MRPS10: variants seen among roughly 807,000 people sequenced by gnomAD.
The protein encoded by MRPS10 is mitochondrial ribosomal protein S10, also known as small ribosomal subunit protein uS10m.
In MRPS10, 23 loss-of-function variants were observed where a neutral mutation model predicts 27.5. The ratio of observed to expected loss-of-function variants is 0.84; its 90% CI spans 0.60 to 1.18. The LOEUF (loss-of-function observed/expected upper bound fraction) is 1.18, where lower values mean the gene tolerates loss of function less well. Ranked by LOEUF, MRPS10 falls within the 50% of genes most tolerant of loss-of-function variation. The probability of loss-of-function intolerance (pLI) is 0.00; values close to 1 mark genes in which losing one functional copy is unlikely to be tolerated. For synonymous variants in MRPS10, 88 were observed against 84.2 expected (o/e 1.04, Z -0.25); for missense variants, 237 against 240.1 (o/e 0.99, Z 0.09).
chr6:42,217,659 C>G, intron 1 of MRPS10, 143 bp downstream of exon 1: 1 of 744,256 alleles, frequency 1.3e-6, no homozygotes, highest in Admixed American at 2.6e-5. Context: ...AAACTAGCCC[C>G]TTTCTCGTCA....
chr6:42,208,733 C>T, intron 6 of MRPS10, 125 bp downstream of exon 6: 1 of 661,056 alleles, frequency 1.5e-6, no homozygotes, highest in Non-Finnish European at 2.6e-6. Context: ...CTGTGTCTCC[C>T]AGTTTGCCAC....
In MRPS10 at chr6:42,214,189, ACT is replaced by A. The variant is rs1490121871; in HGVS notation, c.115_116del (p.Ser39TyrfsTer14). 1.2e-6 allele frequency: 2 copies of A among 1,613,148 alleles called. No individual in the cohort carries two copies. Among genetic ancestry groups the A allele is most frequent in the African/African-American group, 2.7e-5 (2 of 74,900 alleles). On this transcript the variant is annotated frameshift_variant and splice_region_variant, in exon 3 of 7. Transcript: ENST00000053468. LOFTEE classifies it high-confidence loss of function. ...AAAACTGTACCCACTTCATATTGGT[ACT>A]GCTATGTGTGGGGAAAAAAAGAGAA... ...NTAKNGGLLL[S>X]TNMKWVQFSN... is the part of the protein sequence containing the mutation.
At position 42,217,829 on chromosome 6, in the gene MRPS10, G is replaced by C. The variant is rs145290235; in HGVS notation, c.21C>G (p.Phe7Leu). The C allele has an allele frequency of 1.6e-4, 253 of 1,613,936 alleles. No homozygotes were observed. Among genetic ancestry groups the C allele is most frequent in the Non-Finnish European group, 2.0e-4 (237 of 1,179,982 alleles). ...GCCAGAGGCGCCGGCACACAGCACC[G>C]AACGCTGTCCGCGCCGCCATCTTGC... MAARTA[F>L]GAVCRRLWQG... is the part of the protein sequence containing the mutation. The change falls in exon 1 of 7, where the codon TTC becomes TTG. Residue 7 changes from phenylalanine (F) to leucine (L), a missense_variant. Phe to Leu is a conservative substitution (Grantham distance 22). Coordinates refer to ENST00000053468, the MANE Select transcript of MRPS10 (RefSeq NM_018141.4).
In MRPS10 at chr6:42,208,997, C is replaced by CA. The variant is rs765466809; in HGVS notation, c.433-51_433-50insT. 1.8e-5 allele frequency: 21 copies of CA among 1,156,040 alleles called. No individual in the cohort carries two copies. The African/African-American group carries it at 3.6e-4, about 20-fold the overall frequency. The allele number at this position is 1,156,040 out of a possible 1,614,324, so 71.6% of individuals were successfully genotyped here. A position where few individuals can be genotyped will look rare whatever the true frequency, so the allele number is the denominator to read the frequency against. On this transcript the variant is annotated intron_variant, in intron 5 of 6. Transcript: ENST00000053468. ...TTCATGTAAGCTGTTTGTTAAAGCA[C>CA]GGTTTTTTGTTTTTTTTTTTGAGAT...
intron 1 of MRPS10, among the ~76,000 whole-genome samples, chr6:42,215,359 C>A (rs866489116): frequency 3.0e-4 from 22 of 73,248 alleles, no homozygotes; most frequent in South Asian, 5.5e-4. Context: ...GACTCCCTCT[C>A]AAAAAAAAAA....
chr6:42,210,685 T>C (rs1310794011), intron 4 of MRPS10, 89 bp from the exon 5 acceptor site: 2 of 1,520,990 alleles, frequency 1.3e-6, no homozygotes, highest in Non-Finnish European at 1.8e-6. Context: ...CACTCAATTA[T>C]AGGCATTAAC....
chr6:42,211,757 CG>C, intron 4 of MRPS10, 23 bp downstream of exon 4: 1 of 1,603,292 alleles, frequency 6.2e-7, no homozygotes, highest in Non-Finnish European at 8.5e-7. Context: ...GCGAACAGGT[CG>C]GGTCAGGAAA....
In MRPS10 at chr6:42,214,326, C is replaced by T. The variant is rs753696085; in HGVS notation, c.67G>A (p.Val23Ile). 6.8e-6 allele frequency: 11 copies of T among 1,609,164 alleles called. No homozygotes were observed. Among genetic ancestry groups the T allele is most frequent in the Non-Finnish European group, 8.5e-7 (1 of 1,177,462 alleles). Residue 23 changes from valine (V) to isoleucine (I), a missense_variant, in exon 2 of 7, where the codon GTA becomes ATA. Coordinates refer to ENST00000053468, the MANE Select transcript of MRPS10 (RefSeq NM_018141.4). ...GCTGTATTGCCCTTAGAAGTGTTTA[C>T]AGAAAAATTCCCCAATCCCTAAAGA... ...RLWQGLGNFS[V>I]NTSKGNTAKN...
chr6:42,211,812 C>A lies in MRPS10; in HGVS notation c.292G>T (p.Ala98Ser). 6.2e-7 allele frequency: 1 copy of A among 1,613,844 alleles called. No individual in the cohort carries two copies. Among genetic ancestry groups the A allele is most frequent in the East Asian group, 2.2e-5 (1 of 44,866 alleles). Residue 98 changes from alanine to serine, a missense_variant, in exon 4 of 7, where the codon GCT becomes TCT. By Grantham distance (99) the Ala-to-Ser change is moderately conservative. Around this residue, in one of 3 missense-constraint regions of MRPS10, gnomAD observed 164 missense variants for 137.8 expected, o/e 1.19. Transcript: ENST00000053468. Reference protein sequence around the residue: ...LDSYEYFAVLAAKELGISIKV... With the variant: ...LDSYEYFAVLSAKELGISIKV... ...ATAGAGATACCAAGTTCTTTAGCAG[C>A]AAGCACAGCAAAATATTCATAACTG...
chr6:42,207,114 T>G lies in MRPS10; in HGVS notation c.*1175A>C, dbSNP rs1360797337. On this transcript the variant is annotated 3_prime_UTR_variant, in exon 7 of 7. Coordinates refer to ENST00000053468, the MANE Select transcript of MRPS10 (RefSeq NM_018141.4). ...GGGCTTTAGCCACTATTTCATTTCA[T>G]GGAAAAGCAGACATCTCCTAACAAA... 1.3e-5 allele frequency: 2 copies of G among 151,270 alleles called. No individual in the cohort carries two copies. Among genetic ancestry groups the G allele is most frequent in the Non-Finnish European group, 2.9e-5 (2 of 68,032 alleles). 9.4% of individuals were successfully genotyped at this position (151,270 alleles called of 1,614,324 possible). A position where few individuals can be genotyped will look rare whatever the true frequency, so the allele number is the denominator to read the frequency against.
chr6:42,209,137 G>A (rs1768698262), intron 5 of MRPS10, among the ~76,000 whole-genome samples, 190 bp from the exon 6 acceptor site: 1 of 151,840 alleles, frequency 6.6e-6, no homozygotes, highest in Admixed American at 6.6e-5. Context: ...TGGGACTACA[G>A]GTGTGTGCCA....
intron 1 of MRPS10, among the ~76,000 whole-genome samples, chr6:42,216,010 CT>C (rs1263227238): frequency 1.1e-4 from 14 of 129,150 alleles, no homozygotes; most frequent in African/African-American, 3.1e-4. Context: ...TTTTTCTTTT[CT>C]TTTTTTTTTC....
intron 3 of MRPS10, among the ~76,000 whole-genome samples, 167 bp downstream of exon 3, chr6:42,213,953 C>T (rs1768848787): frequency 6.6e-6 from 1 of 152,124 alleles, no homozygotes; most frequent in Admixed American, 6.5e-5. Context: ...ACCCTGAAGA[C>T]AATATAATCC....
At position 42,211,933 on chromosome 6, in the gene MRPS10, A is replaced by G. The variant is rs761524922; in HGVS notation, c.187-16T>C. On this transcript the variant is annotated splice_polypyrimidine_tract_variant and intron_variant, in intron 3 of 6. Coordinates refer to ENST00000053468, the MANE Select transcript of MRPS10 (RefSeq NM_018141.4). Reference sequence around the variant, plus strand: ...AGATTGTTACCTAAAATCCAAAAGAAAAGTTTCAGTTTTAGTTCCTCTTCT... The same window carrying G: ...AGATTGTTACCTAAAATCCAAAAGAGAAGTTTCAGTTTTAGTTCCTCTTCT... The G allele has an allele frequency of 1.8e-5, 29 of 1,601,356 alleles. No homozygotes were observed. In the South Asian group the frequency reaches 3.1e-4, roughly 17 times the overall value.
chr6:42,213,648 T>C (rs1403403710), intron 3 of MRPS10, among the ~76,000 whole-genome samples: 1 of 152,178 alleles, frequency 6.6e-6, no homozygotes, highest in Admixed American at 6.5e-5. Context: ...AAAAACTGGA[T>C]TGATGAAATC....
rs1768991795 is a variant in MRPS10, at chr6:42,217,858, T to A, written c.-9A>T. The stretch of plus-strand genomic sequence containing the variant: ...GCTGTCCGCGCCGCCATCTTGCCGG[T>A]CCCGACCTCTCAGGATTGCTTCCGG... On this transcript the variant is annotated 5_prime_UTR_variant, in exon 1 of 7. Transcript: ENST00000053468. 6.2e-7 allele frequency: 1 copy of A among 1,613,648 alleles called. No individual in the cohort carries two copies. Among genetic ancestry groups the A allele is most frequent in the Non-Finnish European group, 8.5e-7 (1 of 1,179,892 alleles).
At chr6:42,209,467 C>T (rs923658844) in intron 5 of MRPS10, among the ~76,000 whole-genome samples, 2 of 151,780 alleles carry the variant, frequency 1.3e-5, no homozygotes, top group African/African-American at 2.4e-5. Flanking sequence ...GTAGGGACTG[C>T]GCAGGCACAG....
chr6:42,216,413 T>TGTGTGTGTGTGTGTGTGTGTGTGTGTG (rs371361467), intron 1 of MRPS10, among the ~76,000 whole-genome samples: 6 of 128,460 alleles, frequency 4.7e-5, no homozygotes, highest in South Asian at 2.6e-4. Context: ...TGTGTGTGTG[T>TGTGTGTGTGTGTGTGTGTGTGTGTGTG]TGGGGGAGTG....
At chr6:42,212,144 G>C (rs1768798799) in intron 3 of MRPS10, among the ~76,000 whole-genome samples, 1 of 152,138 alleles carries the variant, frequency 6.6e-6, no homozygotes, top group African/African-American at 2.4e-5. Context: ...GAATTTTCAA[G>C]GCAACCCACA....
Sources: allele counts gnomAD v4.1 joint callset (sites outside exome capture counted in the v4.1 genomes callset), GRCh38; gene constraint gnomAD v4.1.1; regional missense constraint gnomAD v4.1.1; transcripts MANE v1.5; gene names NCBI Gene and HGNC (gene_info 2026-07-23, HGNC 2026-07-21).